RPL7L1: variants seen among roughly 807,000 people sequenced by gnomAD.
RPL7L1 encodes ribosomal protein L7 like 1.
Under a neutral mutation model 30.3 loss-of-function variants are expected in RPL7L1, and 20 were observed. The ratio of observed to expected loss-of-function variants is 0.66; its 90% CI spans 0.46 to 0.96. The LOEUF (loss-of-function observed/expected upper bound fraction) is 0.96. RPL7L1 is among the 40% of genes least tolerant of loss of function. The pLI is 0.00. For missense variants in RPL7L1, 271 were observed against 314.9 expected, an observed-to-expected ratio of 0.86 and a Z score of 1.05; for synonymous variants, 107 against 110.1, an observed-to-expected ratio of 0.97 and a Z score of 0.18.
At chr6:42,884,560 G>T in intron 3 of RPL7L1, 53 bp from the exon 4 acceptor site, 11 of 1,571,252 alleles carry the variant, frequency 7.0e-6, no homozygotes, top group African/African-American at 1.3e-5. Flanking sequence ...GTGCTTGCTG[G>T]ACTGACATAA....
At chr6:42,884,779 A>G (rs774288545) in intron 4 of RPL7L1, 29 bp downstream of exon 4, 6 of 1,602,868 alleles carry the variant, frequency 3.7e-6, no homozygotes, top group Non-Finnish European at 5.1e-6. Context: ...GTGAATTCAC[A>G]TTAGATTTCT....
chr6:42,880,949 C>G lies in RPL7L1; in HGVS notation c.130C>G (p.Leu44Val), dbSNP rs780089884. ...CAAAGCCACCCAGGCAAAGCAGGCACTTTTGGCAAAGAAGGAGGTAATGGT... is the reference window on the plus strand; with the variant it reads ...CAAAGCCACCCAGGCAAAGCAGGCAGTTTTGGCAAAGAAGGAGGTAATGGT... ...ALKATQAKQA[L>V]LAKKEQKKGK... Residue 44 changes from leucine to valine, a missense_variant, in exon 2 of 6, where the codon CTT (leucine) becomes GTT (valine). Coordinates refer to ENST00000493763, the MANE Select transcript of RPL7L1 (RefSeq NM_001366481.3). The G allele has an allele frequency of 6.3e-7, 1 of 1,579,288 alleles. No homozygotes were observed. Among genetic ancestry groups the G allele is most frequent in the Non-Finnish European group, 8.7e-7 (1 of 1,148,708 alleles).
chr6:42,887,936 TC>T lies in RPL7L1; in HGVS notation c.*1474del, dbSNP rs1433128728. On this transcript the variant is annotated 3_prime_UTR_variant, in exon 6 of 6. Coordinates refer to ENST00000493763, the MANE Select transcript of RPL7L1 (RefSeq NM_001366481.3). ...ACTTGTCTCTGCTGTGAGTATGTGT[TC>T]CAACTTTTCAGTGATGGCTTTGAGA... 1 of 150,422 alleles carries T rather than the reference TC, an allele frequency of 6.6e-6. No individual in the cohort carries two copies. The highest frequency in any genetic ancestry group is 6.7e-5 in the Admixed American group (1 of 15,030). The allele number at this position is 150,422 out of a possible 1,614,324, so 9.3% of individuals were successfully genotyped here. A position where few individuals can be genotyped will look rare whatever the true frequency, so the allele number is the denominator to read the frequency against.
At chr6:42,884,533 T>C (rs1766191773) in intron 3 of RPL7L1, 80 bp from the exon 4 acceptor site, 1 of 1,298,612 alleles carries the variant, frequency 7.7e-7, no homozygotes, top group Non-Finnish European at 1.1e-6. Context: ...TTACCCAGTG[T>C]AGTGACCTCG....
In RPL7L1 at chr6:42,879,840, A is replaced by C. The variant is rs951219943; in HGVS notation, c.-71A>C. The stretch of plus-strand genomic sequence containing the variant: ...GAACGCTGACTGGTCCTCCAGCGTG[A>C]GCTAGAACAGACGTCTCTATGGTCA... On this transcript the variant is annotated 5_prime_UTR_variant, in exon 1 of 6. Transcript: ENST00000493763. 1.2e-5 allele frequency: 18 copies of C among 1,528,392 alleles called. No homozygotes were observed. In the Admixed American group the frequency reaches 2.2e-4, roughly 18 times the overall value. 94.7% of individuals were successfully genotyped at this position (1,528,392 alleles called of 1,614,324 possible).
rs1156698466 is a variant in RPL7L1, at chr6:42,886,365, C to T, written c.669C>T (p.Ala223=). Residue 223 remains alanine (A), a synonymous_variant, in exon 6 of 6, where the codon GCC becomes GCT. Coordinates refer to ENST00000493763, the MANE Select transcript of RPL7L1 (RefSeq NM_001366481.3). ...TGTGCCCTTTCCACCTCTCAGTGGC[C>T]CGTCATGCTACCAAAAATAGAGTGG... The part of the protein sequence containing the change: ...WFLCPFHLSV[A]RHATKNRVGF... 6.2e-7 allele frequency: 1 copy of T among 1,601,716 alleles called. No individual in the cohort carries two copies. Among genetic ancestry groups the T allele is most frequent in the Admixed American group, 1.7e-5 (1 of 59,976 alleles).
chr6:42,879,808 G>A lies in RPL7L1; in HGVS notation c.-103G>A, dbSNP rs1382558722. 1 of 1,265,014 alleles carries A rather than the reference G, an allele frequency of 7.9e-7. No individual in the cohort carries two copies. The allele number at this position is 1,265,014 out of a possible 1,614,324, so 78.4% of individuals were successfully genotyped here. On this transcript the variant is annotated 5_prime_UTR_variant, in exon 1 of 6. Transcript: ENST00000493763. ...AGCGGGACCTCAAGGGCTCACTGCG[G>A]CTAAGTGAACGCTGACTGGTCCTCC... is the stretch of plus-strand genomic sequence containing the variant.
rs572904630 is a variant in RPL7L1 at position 42,879,753 on chromosome 6, G to A, written c.-158G>A. 1.4e-6 allele frequency: 1 copy of A among 694,708 alleles called. No homozygotes were observed. Among genetic ancestry groups the A allele is most frequent in the South Asian group, 1.6e-5 (1 of 61,770 alleles). 43.0% of individuals were successfully genotyped at this position (694,708 alleles called of 1,614,324 possible). A position where few individuals can be genotyped will look rare whatever the true frequency, so the allele number is the denominator to read the frequency against. The stretch of plus-strand genomic sequence containing the variant: ...ACACAGGCTCTAAAAACCCTAAGAA[G>A]CGGTGCAACTTTTGGCAGGAATCGG... On this transcript the variant is annotated 5_prime_UTR_variant, in exon 1 of 6. Transcript: ENST00000493763.
rs1476845934 is a variant in RPL7L1, at chr6:42,883,572, T to C, written c.269T>C (p.Leu90Ser). 5 of 1,602,678 alleles carry C rather than the reference T, an allele frequency of 3.1e-6. No individual in the cohort carries two copies. Among genetic ancestry groups the C allele is most frequent in the South Asian group, 1.1e-5 (1 of 88,882 alleles). The change falls in exon 3 of 6, where the codon TTG becomes TCG. Residue 90 changes from leucine to serine, a missense_variant. Physicochemically the swap from Leu to Ser is moderately radical, Grantham distance 145. Transcript: ENST00000493763. ...RLEVKPHALE[L>S]PDKHSLAFVV... ...GAAGTGAAACCTCATGCCTTGGAAT[T>C]GCCAGATAAACATTCCTTGGCCTTT...
chr6:42,883,182 G>A, intron 2 of RPL7L1: 1 of 256,340 alleles, frequency 3.9e-6, no homozygotes, highest in East Asian at 8.2e-5. Context: ...TGCTGGCGTG[G>A]AGTTTAAGGA....
rs376099875 is a variant in RPL7L1 at position 42,879,921 on chromosome 6, G to C, written c.11G>C (p.Ser4Thr). 5.6e-6 allele frequency: 9 copies of C among 1,614,128 alleles called. No individual in the cohort carries two copies. The East Asian group carries it at 2.0e-4, about 36-fold the overall frequency. MIS[S>T]CTTRKMAEQE... is the part of the protein sequence containing the mutation. ...GTGGTGGGGTTGCGCATGATCAGTA[G>C]CTGCACCACTAGAAAGATGGCGGAG... The change falls in exon 1 of 6, where the codon AGC becomes ACC. Residue 4 changes from serine to threonine, a missense_variant. Transcript: ENST00000493763.
At chr6:42,881,055 A>G (rs149479641) in intron 2 of RPL7L1, 89 bp downstream of exon 2, 10,537 of 744,264 alleles carry the variant, frequency 0.014, 107 homozygotes, top group South Asian at 0.018. Flanking sequence ...GGTATTGACG[A>G]GCTCCCCCCA....
At position 42,880,050 on chromosome 6, in the gene RPL7L1, G is replaced by A. The variant is rs962335411; in HGVS notation, c.41+99G>A. Reference sequence around the variant, plus strand: ...GGTGGCGGATTCCTGTGGGCTCTAGGAATAGAAAAGGCCACAGTTTACAAA... The same window carrying A: ...GGTGGCGGATTCCTGTGGGCTCTAGAAATAGAAAAGGCCACAGTTTACAAA... On this transcript the variant is annotated intron_variant, in intron 1 of 5. Transcript: ENST00000493763. 2.5e-6 allele frequency: 3 copies of A among 1,198,684 alleles called. No individual in the cohort carries two copies. In the African/African-American group the frequency reaches 4.5e-5, roughly 18 times the overall value. The allele number at this position is 1,198,684 out of a possible 1,614,324, so 74.3% of individuals were successfully genotyped here. A position where few individuals can be genotyped will look rare whatever the true frequency, so the allele number is the denominator to read the frequency against.
chr6:42,882,737 C>G (rs1766125163), intron 2 of RPL7L1: 1 of 151,802 alleles, frequency 6.6e-6, no homozygotes, highest in Admixed American at 6.6e-5. Context: ...GTGACCCTGT[C>G]TCTACTAAAA....
Position 42,888,096 on chromosome 6 carries a change from C to T in RPL7L1, c.*1632C>T, listed in dbSNP as rs544905515. 1 of 152,000 alleles carries T rather than the reference C, an allele frequency of 6.6e-6. No individual in the cohort carries two copies. The highest frequency in any genetic ancestry group is 2.4e-5 in the African/African-American group (1 of 41,374). The allele number at this position is 152,000 out of a possible 1,614,324, so 9.4% of individuals were successfully genotyped here. A position where few individuals can be genotyped will look rare whatever the true frequency, so the allele number is the denominator to read the frequency against. On this transcript the variant is annotated 3_prime_UTR_variant, in exon 6 of 6. Transcript: ENST00000493763. ...TTCGCCAGGAAAACATGTATACACT[C>T]AAAATTTTGCTTGCAGTTCTAGGGT...
chr6:42,885,961 T>C lies in RPL7L1; in HGVS notation c.450-13T>C, dbSNP rs1282192268. 1 of 1,520,012 alleles carries C rather than the reference T, an allele frequency of 6.6e-7. No homozygotes were observed. Among genetic ancestry groups the C allele is most frequent in the Middle Eastern group, 2.3e-4 (1 of 4,296 alleles). 94.2% of individuals were successfully genotyped at this position (1,520,012 alleles called of 1,614,324 possible). ...AGGTGCTGGTGAAAACCGTGCTTTATTTTCCTACATAGATTTCCAAATCTG... is the reference window on the plus strand; with the variant it reads ...AGGTGCTGGTGAAAACCGTGCTTTACTTTCCTACATAGATTTCCAAATCTG... On this transcript the variant is annotated splice_polypyrimidine_tract_variant and intron_variant, in intron 4 of 5. Transcript: ENST00000493763.
rs889821418 is a variant in RPL7L1, at chr6:42,889,296, C to T, written c.*2832C>T. The T allele has an allele frequency of 2.0e-5, 3 of 151,882 alleles. No individual in the cohort carries two copies. Among genetic ancestry groups the T allele is most frequent in the African/African-American group, 7.3e-5 (3 of 41,306 alleles). The allele number at this position is 151,882 out of a possible 1,614,324, so 9.4% of individuals were successfully genotyped here. ...TCCCTACTGAAAATACAAAATTAGC[C>T]GGATGTGGTGGTGCATGCCTGTAAT... is the stretch of plus-strand genomic sequence containing the variant. On this transcript the variant is annotated 3_prime_UTR_variant, in exon 6 of 6. Transcript: ENST00000493763.
At chr6:42,884,542 CGCAT>C (rs2114084036) in intron 3 of RPL7L1, 67 bp from the exon 4 acceptor site, 2 of 1,424,794 alleles carry the variant, frequency 1.4e-6, no homozygotes, top group Non-Finnish European at 2.0e-6. Flanking sequence ...GTAGTGACCT[CGCAT>C]GTTGTGCTTG....
In RPL7L1 at chr6:42,879,678, G is replaced by C; in HGVS notation, c.-233G>C. 1 of 481,928 alleles carries C rather than the reference G, an allele frequency of 2.1e-6. No individual in the cohort carries two copies. The highest frequency in any genetic ancestry group is 3.8e-6 in the Non-Finnish European group (1 of 262,004). 29.9% of individuals were successfully genotyped at this position (481,928 alleles called of 1,614,324 possible). A position where few individuals can be genotyped will look rare whatever the true frequency, so the allele number is the denominator to read the frequency against. ...GCACTTTGCTGTCCACAGCCAGGCCGCTTGTGATGAAACTGTAACTTACAA... is the reference window on the plus strand; with the variant it reads ...GCACTTTGCTGTCCACAGCCAGGCCCCTTGTGATGAAACTGTAACTTACAA... On this transcript the variant is annotated 5_prime_UTR_variant, in exon 1 of 6. Coordinates refer to ENST00000493763, the MANE Select transcript of RPL7L1 (RefSeq NM_001366481.3).
Sources: allele counts gnomAD v4.1 joint callset, GRCh38; gene constraint gnomAD v4.1.1; transcripts MANE v1.5; gene names NCBI Gene and HGNC (gene_info 2026-07-23, HGNC 2026-07-21).